SPEF2: variants seen among roughly 807,000 people sequenced by gnomAD.
The protein encoded by SPEF2 is sperm flagellar and cilia associated 2, also known as sperm flagella and cilia-associated protein 2.
A neutral mutation model predicts 224.6 loss-of-function variants in SPEF2; 187 were observed. The observed-to-expected ratio is 0.83, with a 90% CI of 0.74 to 0.94. The LOEUF is 0.94. Ranked by LOEUF, SPEF2 falls within the 40% of genes least tolerant of loss-of-function variation. SPEF2 has a pLI of 0.00. For synonymous variants in SPEF2, 715 were observed against 707.3 expected, an observed-to-expected ratio of 1.01 and a Z score of -0.17; for missense variants, 2,170 against 2,135.6, an observed-to-expected ratio of 1.02 and a Z score of -0.32.
At chr5:35,717,154 G>A (rs1211382751) in intron 20 of SPEF2, among the ~76,000 whole-genome samples, 1 of 152,126 alleles carries the variant, frequency 6.6e-6, no homozygotes, top group African/African-American at 2.4e-5. Flanking sequence ...TTCAGAAAAT[G>A]CCAAGTTACA....
In SPEF2 at chr5:35,659,798, G is replaced by T. The variant is rs556236759; in HGVS notation, c.1167+591G>T. Among the ~76,000 whole-genome samples, 12 of 150,452 alleles carry T rather than the reference G, an allele frequency of 8.0e-5. No homozygotes were observed. The South Asian group carries it at 2.1e-3, about 26-fold the overall frequency. On this transcript the variant is annotated intron_variant, in intron 8 of 36. Coordinates refer to ENST00000356031, the MANE Select transcript of SPEF2 (RefSeq NM_024867.4). ...TTTACTAGAGTAGGCATTGGTATTG[G>T]TTATTCTAGGTAAATATCCTCAGGC...
chr5:35,766,603 CTT>C (rs1324677034), intron 26 of SPEF2, among the ~76,000 whole-genome samples: 2 of 151,802 alleles, frequency 1.3e-5, no homozygotes, highest in Non-Finnish European at 2.9e-5. Context: ...CAATGACTGA[CTT>C]TTAACTTCAT....
At chr5:35,806,615 G>A in intron 34 of SPEF2, 92 bp from the exon 35 acceptor site, 2 of 1,468,574 alleles carry the variant, frequency 1.4e-6, no homozygotes, top group Non-Finnish European at 1.8e-6. Context: ...TTCATGAAAA[G>A]TGTGTGATTA....
rs201517270 is a variant in SPEF2, at chr5:35,759,710, G to T, written c.3611G>T (p.Ser1204Ile). ...CTGGATAGTAAAGACAATTCTGAAA[G>T]CCAGCTTAGGTAAGGCAGGCTATTA... The part of the protein sequence containing the change: ...VQLDSKDNSE[S>I]QLRIPLVPRI... The change falls in exon 25 of 37, where the codon AGC becomes ATC. Residue 1204 changes from serine (S) to isoleucine (I), a missense_variant. Physicochemically the swap from Ser to Ile is moderately radical, Grantham distance 142. Transcript: ENST00000356031. 1.9e-3 allele frequency: 2,935 copies of T among 1,582,142 alleles called. 5 individuals are homozygous for T. The highest frequency in any genetic ancestry group is 2.4e-3 in the Non-Finnish European group (2,750 of 1,157,936).
At chr5:35,791,999 T>C (rs1479900811) in intron 30 of SPEF2, among the ~76,000 whole-genome samples, 1 of 152,102 alleles carries the variant, frequency 6.6e-6, no homozygotes, top group East Asian at 1.9e-4. Flanking sequence ...GTAGGAAACC[T>C]TAAAATCATA....
chr5:35,772,696 C>T (rs1257559773), intron 27 of SPEF2, among the ~76,000 whole-genome samples: 3 of 152,092 alleles, frequency 2.0e-5, no homozygotes, highest in South Asian at 2.1e-4. Context: ...CCACTTTAGT[C>T]CATCTCAAGT....
At chr5:35,686,473 T>C (rs1305654585) in intron 10 of SPEF2, among the ~76,000 whole-genome samples, 1 of 152,092 alleles carries the variant, frequency 6.6e-6, no homozygotes, top group Non-Finnish European at 1.5e-5. Context: ...TACAGAAAAA[T>C]ACCATTTTAC....
At chr5:35,637,434 G>A (rs1228881537) in intron 2 of SPEF2, among the ~76,000 whole-genome samples, 1 of 152,026 alleles carries the variant, frequency 6.6e-6, no homozygotes, top group Non-Finnish European at 1.5e-5. Context: ...ATTTTTGTTT[G>A]TCTGAAATGA....
At chr5:35,734,214 T>A (rs557434931) in intron 21 of SPEF2, among the ~76,000 whole-genome samples, 16 of 152,288 alleles carry the variant, frequency 1.1e-4, no homozygotes, top group South Asian at 1.0e-3. Flanking sequence ...TCAGATGTCA[T>A]CTTTCTCCAG....
At chr5:35,655,923 T>C (rs1215012633) in intron 7 of SPEF2, among the ~76,000 whole-genome samples, 1 of 152,212 alleles carries the variant, frequency 6.6e-6, no homozygotes, top group Non-Finnish European at 1.5e-5. Context: ...AGAAGGGCAA[T>C]CCAAGTCTGT....
At chr5:35,772,651 G>A (rs1753024561) in intron 27 of SPEF2, among the ~76,000 whole-genome samples, 1 of 152,062 alleles carries the variant, frequency 6.6e-6, no homozygotes, top group South Asian at 2.1e-4. Flanking sequence ...GGCACTTGAA[G>A]GAAAGGGAAG....
rs1157642760 is a variant in SPEF2, at chr5:35,659,104, T to C, written c.1064T>C (p.Val355Ala). Residue 355 changes from valine to alanine, a missense_variant, in exon 8 of 37, where the codon GTT becomes GCT. Coordinates refer to ENST00000356031, the MANE Select transcript of SPEF2 (RefSeq NM_024867.4). ...ERRIAVQLMH[V>A]RHEKEVLWQN... ...AGGATTGCCGTGCAGCTCATGCATGTTCGGCATGAAAAGGAAGTTTTATGG... is the reference window on the plus strand; with the variant it reads ...AGGATTGCCGTGCAGCTCATGCATGCTCGGCATGAAAAGGAAGTTTTATGG... 1 of 1,613,336 alleles carries C rather than the reference T, an allele frequency of 6.2e-7. No homozygotes were observed. The highest frequency in any genetic ancestry group is 1.1e-5 in the South Asian group (1 of 90,970).
intron 30 of SPEF2, among the ~76,000 whole-genome samples, chr5:35,783,701 T>A (rs1052487852): frequency 6.6e-6 from 1 of 152,126 alleles, no homozygotes; most frequent in Non-Finnish European, 1.5e-5. Flanking sequence ...AGTAATGTGG[T>A]TTCCTAGGGA....
At chr5:35,731,594 A>C (rs1037355284) in intron 21 of SPEF2, among the ~76,000 whole-genome samples, 4 of 152,188 alleles carry the variant, frequency 2.6e-5, no homozygotes, top group African/African-American at 9.7e-5. Flanking sequence ...AGAGGAAGTC[A>C]AATTGGAAAA....
chr5:35,723,370 C>T (rs1744110411), intron 20 of SPEF2, among the ~76,000 whole-genome samples: 1 of 152,012 alleles, frequency 6.6e-6, no homozygotes, highest in Non-Finnish European at 1.5e-5. Flanking sequence ...ATACTCAGCC[C>T]CACCCGAGAC....
intron 26 of SPEF2, chr5:35,764,455 T>C: frequency 2.4e-6 from 1 of 408,196 alleles, no homozygotes; most frequent in Non-Finnish European, 4.9e-6. Flanking sequence ...TACACATAAC[T>C]TTAATCCAAG....
At chr5:35,676,691 T>C (rs1752070803) in intron 10 of SPEF2, among the ~76,000 whole-genome samples, 1 of 151,932 alleles carries the variant, frequency 6.6e-6, no homozygotes, top group Admixed American at 6.6e-5. Flanking sequence ...ATCGTGCCAC[T>C]GCACTCCAGC....
At chr5:35,722,280 T>C (rs1743828201) in intron 20 of SPEF2, among the ~76,000 whole-genome samples, 1 of 151,916 alleles carries the variant, frequency 6.6e-6, no homozygotes, top group African/African-American at 2.4e-5. Context: ...CCTGGGACCA[T>C]GCGTCCCAGC....
At chr5:35,721,727 C>T (rs911765594) in intron 20 of SPEF2, among the ~76,000 whole-genome samples, 1 of 90,910 alleles carries the variant, frequency 1.1e-5, no homozygotes, top group Non-Finnish European at 2.7e-5. Flanking sequence ...ACAGACATCA[C>T]ACACAGTACA....
Sources: allele counts gnomAD v4.1 joint callset (sites outside exome capture counted in the v4.1 genomes callset), GRCh38; gene constraint gnomAD v4.1.1; transcripts MANE v1.5; gene names NCBI Gene and HGNC (gene_info 2026-07-23, HGNC 2026-07-21).